ABL2: variants seen among roughly 807,000 people sequenced by gnomAD.
ABL2 encodes the protein tyrosine-protein kinase ABL2.
A neutral mutation model predicts 107.7 loss-of-function variants in ABL2; 49 were observed. That is an observed-to-expected ratio of 0.45 (90% confidence interval 0.36 to 0.58). The LOEUF (loss-of-function observed/expected upper bound fraction) is 0.58, where lower values mean the gene tolerates loss of function less well. ABL2 is among the 20% of genes least tolerant of loss of function. ABL2 has a pLI of 0.00. For synonymous variants in ABL2, 549 were observed against 548.6 expected (o/e 1.00, Z -0.01); for missense variants, 1,245 against 1,457.0 (o/e 0.85, Z 2.37).
intron 1 of ABL2, among the ~76,000 whole-genome samples, chr1:179,225,999 G>C (rs1450067676): frequency 1.5e-5 from 2 of 133,160 alleles, no homozygotes; most frequent in Non-Finnish European, 3.1e-5. Flanking sequence ...AGCCGAGATC[G>C]CGCCACTGCA....
chr1:179,186,011 C>G (rs1003073641), intron 1 of ABL2, among the ~76,000 whole-genome samples: 2 of 151,926 alleles, frequency 1.3e-5, no homozygotes, highest in African/African-American at 2.4e-5. Flanking sequence ...CTGGGAGGCC[C>G]GGGCGGGGAG....
intron 1 of ABL2, among the ~76,000 whole-genome samples, chr1:179,218,371 G>A (rs1205710474): frequency 1.3e-5 from 2 of 151,954 alleles, no homozygotes; most frequent in Non-Finnish European, 2.9e-5. Context: ...TTTTCTGACA[G>A]TCATTCAATC....
In ABL2 at chr1:179,131,479, C is replaced by T; in HGVS notation, c.223G>A (p.Ala75Thr). The T allele has an allele frequency of 6.2e-7, 1 of 1,613,380 alleles. No homozygotes were observed. Among genetic ancestry groups the T allele is most frequent in the Non-Finnish European group, 8.5e-7 (1 of 1,179,440 alleles). Residue 75 changes from alanine (A) to threonine (T), a missense_variant and splice_region_variant, in exon 3 of 12, where the codon GCT (alanine) becomes ACT (threonine). Around this residue, in one of 3 missense-constraint regions of ABL2, gnomAD observed 164 missense variants for 143.7 expected, o/e 1.14. Coordinates refer to ENST00000502732, the MANE Select transcript of ABL2 (RefSeq NM_007314.4). ...TCACAACCATAGGGACGATGCAAAG[C>T]TTCTGAAAGACATAAGAAGGGAAGG... ...GDKTGGSSPEALHRPYGCDVE... is the reference protein window; with the variant it reads ...GDKTGGSSPETLHRPYGCDVE...
In ABL2 at chr1:179,114,924, T is replaced by C. The variant is rs374653824; in HGVS notation, c.1515A>G (p.Glu505=). ...CCTTAGGGGGGCATCCCTCAGGCTG[T>C]TCCATTCGATATCCTTTTTCTAGTA... ...YDLLEKGYRM[E]QPEGCPPKVY... Residue 505 remains glutamate (E), a synonymous_variant, in exon 9 of 12, where the codon GAA becomes GAG. Coordinates refer to ENST00000502732, the MANE Select transcript of ABL2 (RefSeq NM_007314.4). 1.9e-6 allele frequency: 3 copies of C among 1,612,518 alleles called. No homozygotes were observed. The highest frequency in any genetic ancestry group is 2.5e-6 in the Non-Finnish European group (3 of 1,179,458).
chr1:179,109,940 AG>A (rs869103454), intron 11 of ABL2, among the ~76,000 whole-genome samples: 1 of 143,804 alleles, frequency 7.0e-6, no homozygotes, highest in East Asian at 2.0e-4. Flanking sequence ...AAAAAAAAAA[AG>A]AAAAAAAAAA....
At chr1:179,135,794 C>G (rs527396349) in intron 1 of ABL2, among the ~76,000 whole-genome samples, 1,946 of 140,764 alleles carry the variant, frequency 0.014, 67 homozygotes, top group African/African-American at 0.051. Flanking sequence ...CAGCCCCCCG[C>G]CCGGCCAGCC....
At chr1:179,110,607 G>A in intron 10 of ABL2, 152 bp from the exon 11 acceptor site, 2 of 1,500,132 alleles carry the variant, frequency 1.3e-6, no homozygotes, top group Non-Finnish European at 1.8e-6. Context: ...CTTTTGTCTG[G>A]CTTCTTTCGC....
At chr1:179,112,856 G>C (rs1222021383) in intron 9 of ABL2, among the ~76,000 whole-genome samples, 2 of 152,036 alleles carry the variant, frequency 1.3e-5, no homozygotes, top group East Asian at 3.9e-4. Flanking sequence ...CTGGGTTCAA[G>C]TGATTCTCCA....
intron 1 of ABL2, among the ~76,000 whole-genome samples, chr1:179,156,570 C>T (rs1015877280): frequency 2.6e-5 from 4 of 152,102 alleles, no homozygotes; most frequent in African/African-American, 9.7e-5. Context: ...TCATTACATA[C>T]CTTAGTTAAT....
intron 6 of ABL2, among the ~76,000 whole-genome samples, chr1:179,119,261 G>C (rs1319886392): frequency 1.3e-5 from 2 of 152,070 alleles, no homozygotes; most frequent in African/African-American, 2.4e-5. Context: ...CCAACAAGAG[G>C]CCGGGTGCAG....
At chr1:179,155,356 T>A (rs1411877618) in intron 1 of ABL2, among the ~76,000 whole-genome samples, 1 of 152,252 alleles carries the variant, frequency 6.6e-6, no homozygotes, top group Non-Finnish European at 1.5e-5. Context: ...TGGAAATGTC[T>A]GCCATTTACT....
intron 1 of ABL2, among the ~76,000 whole-genome samples, chr1:179,136,627 T>A (rs1657018985): frequency 6.7e-6 from 1 of 149,100 alleles, no homozygotes; most frequent in Non-Finnish European, 1.5e-5. Flanking sequence ...TTCACTTGTT[T>A]ATCTGCTGAC....
intron 1 of ABL2, among the ~76,000 whole-genome samples, chr1:179,216,043 ACTT>A (rs892780215): frequency 3.9e-5 from 6 of 152,228 alleles, no homozygotes; most frequent in Admixed American, 1.3e-4. Context: ...GTTTTTGAAC[ACTT>A]CTTCTCCCTA....
chr1:179,156,938 TATTAA>T (rs1658734761), intron 1 of ABL2, among the ~76,000 whole-genome samples: 6 of 151,396 alleles, frequency 4.0e-5, no homozygotes, highest in South Asian at 2.1e-4. Context: ...AATAAAACTC[TATTAA>T]ATTAATTTTT....
chr1:179,115,080 A>G, intron 8 of ABL2, 50 bp from the exon 9 acceptor site: 3 of 1,514,914 alleles, frequency 2.0e-6, no homozygotes, highest in Non-Finnish European at 1.8e-6. Flanking sequence ...CCGATTATTT[A>G]TTTTACATAA....
chr1:179,103,981 C>G lies in ABL2; in HGVS notation c.*3737G>C. The G allele has an allele frequency of 4.3e-6, 1 of 233,522 alleles. No homozygotes were observed. The highest frequency in any genetic ancestry group is 8.5e-6 in the Non-Finnish European group (1 of 117,896). The allele number at this position is 233,522 out of a possible 1,614,324, so 14.5% of individuals were successfully genotyped here. On this transcript the variant is annotated 3_prime_UTR_variant, in exon 12 of 12. Coordinates refer to ENST00000502732, the MANE Select transcript of ABL2 (RefSeq NM_007314.4). ...CCTGGCGAGATTACTGGAGAATACA[C>G]TGGCCGAGACCCCAGCCCACTGGGA...
Position 179,226,986 on chromosome 1 carries a change from C to G in ABL2, c.157+2255G>C, listed in dbSNP as rs149425964. 1.4e-3 allele frequency among the ~76,000 whole-genome samples: 213 copies of G among 152,202 alleles called. 1 individual carries two copies. The highest frequency in any genetic ancestry group is 5.0e-3 in the African/African-American group (206 of 41,518). ...TACATAACAGGTGCTCAAAAAAAACCCTTGTTTGTTGAATGAATGAAAGGA... is the reference window on the plus strand; with the variant it reads ...TACATAACAGGTGCTCAAAAAAAACGCTTGTTTGTTGAATGAATGAAAGGA... On this transcript the variant is annotated intron_variant, in intron 1 of 11. Transcript: ENST00000502732.
chr1:179,124,522 G>A lies in ABL2; in HGVS notation c.687+1855C>T, dbSNP rs1192736577. ...CTCGCTCTGTTGCCCAGGCTGGAGTGCAGTGGCACGATCTTGGCTCACTAC... is the reference window on the plus strand; with the variant it reads ...CTCGCTCTGTTGCCCAGGCTGGAGTACAGTGGCACGATCTTGGCTCACTAC... On this transcript the variant is annotated intron_variant, in intron 4 of 11. Coordinates refer to ENST00000502732, the MANE Select transcript of ABL2 (RefSeq NM_007314.4). Among the ~76,000 whole-genome samples the A allele has an allele frequency of 2.2e-5, 3 of 137,796 alleles. No homozygotes were observed. The Admixed American group carries it at 2.4e-4, about 11-fold the overall frequency. The allele number at this position is 137,796 out of a possible 152,430, so 90.4% of individuals were successfully genotyped here. A position where few individuals can be genotyped will look rare whatever the true frequency, so the allele number is the denominator to read the frequency against.
intron 1 of ABL2, chr1:179,221,119 C>T (rs907743223): frequency 4.1e-6 from 1 of 243,736 alleles, no homozygotes; most frequent in Non-Finnish European, 8.5e-6. Context: ...GCCAGACAGG[C>T]CATTAGAGTT....
Sources: gnomAD v4.1 joint callset for allele counts (sites outside exome capture counted in the v4.1 genomes callset) on GRCh38, gnomAD v4.1.1 for gene constraint, gnomAD v4.1.1 regional missense constraint, MANE v1.5 for transcripts, NCBI Gene and HGNC (gene_info 2026-07-23, HGNC 2026-07-21) for gene names.